YIPF5: variants seen among roughly 807,000 people sequenced by gnomAD.
YIPF5 encodes the protein protein YIPF5.
Under a neutral mutation model 30.4 loss-of-function variants are expected in YIPF5, and 8 were observed. The observed-to-expected ratio is 0.26, with a 90% CI of 0.15 to 0.47. The LOEUF is 0.47. YIPF5 is among the 20% of genes least tolerant of loss of function. The pLI is 0.99. For missense variants in YIPF5, 282 were observed against 301.8 expected (o/e 0.93, Z 0.49); for synonymous variants, 104 against 107.9 (o/e 0.96, Z 0.23).
At position 144,159,635 on chromosome 5, in the gene YIPF5, CTT is replaced by C; in HGVS notation, c.*760_*761del. On this transcript the variant is annotated 3_prime_UTR_variant, in exon 6 of 6. Coordinates refer to ENST00000274496, the MANE Select transcript of YIPF5 (RefSeq NM_030799.9). ...CACTTTTTTGCTTTGAGTTACCTGA[CTT>C]GAGAATACAAGGCAATTTTTCTTTC... 1.0e-6 allele frequency: 1 copy of C among 984,538 alleles called. No homozygotes were observed. The highest frequency in any genetic ancestry group is 4.7e-5 in the South Asian group (1 of 21,262). The allele number at this position is 984,538 out of a possible 1,614,324, so 61.0% of individuals were successfully genotyped here. A position where few individuals can be genotyped will look rare whatever the true frequency, so the allele number is the denominator to read the frequency against.
chr5:144,165,317 T>A (rs893885030), intron 3 of YIPF5, 115 bp downstream of exon 3: 1 of 1,410,834 alleles, frequency 7.1e-7, no homozygotes, highest in East Asian at 2.5e-5. Flanking sequence ...AGCAGAAAAC[T>A]TTTTTCTACA....
Position 144,158,851 on chromosome 5 carries a change from T to G in YIPF5, c.*1546A>C, listed in dbSNP as rs1203807071. The G allele has an allele frequency of 1.0e-6, 1 of 984,898 alleles. No individual in the cohort carries two copies. Among genetic ancestry groups the G allele is most frequent in the African/African-American group, 1.7e-5 (1 of 57,144 alleles). The allele number at this position is 984,898 out of a possible 1,614,324, so 61.0% of individuals were successfully genotyped here. On this transcript the variant is annotated 3_prime_UTR_variant, in exon 6 of 6. Coordinates refer to ENST00000274496, the MANE Select transcript of YIPF5 (RefSeq NM_030799.9). Reference sequence around the variant, plus strand: ...CAACCTCTTTTTATGCTTTGAAAACTTGTTCTAAAAAAGAACCATTGATAC... The same window carrying G: ...CAACCTCTTTTTATGCTTTGAAAACGTGTTCTAAAAAAGAACCATTGATAC...
chr5:144,164,445 G>A (rs191737166), intron 3 of YIPF5, among the ~76,000 whole-genome samples, 189 bp from the exon 4 acceptor site: 1 of 152,076 alleles, frequency 6.6e-6, no homozygotes, highest in East Asian at 1.9e-4. Flanking sequence ...GAGTGCAGTG[G>A]CATGATCATA....
chr5:144,164,280 GTTAA>G, intron 3 of YIPF5, 24 bp from the exon 4 acceptor site: 5 of 1,586,368 alleles, frequency 3.2e-6, no homozygotes, highest in Non-Finnish European at 4.3e-6. Flanking sequence ...AAATTTAAAA[GTTAA>G]TTAGGATTTG....
chr5:144,169,833 G>C lies in YIPF5; in HGVS notation c.110+13C>G, dbSNP rs774025132. 1.9e-6 allele frequency: 3 copies of C among 1,604,936 alleles called. No homozygotes were observed. The highest frequency in any genetic ancestry group is 2.6e-6 in the Non-Finnish European group (3 of 1,172,432). ...AATGTAGACTAAATTAATTGCCAAA[G>C]ATGAAAAGTTACTTGCTATAGGGTC... is the stretch of plus-strand genomic sequence containing the variant. On this transcript the variant is annotated intron_variant, in intron 2 of 5. Transcript: ENST00000274496.
rs1219548229 is a variant in YIPF5 at position 144,158,843 on chromosome 5, T to C, written c.*1554A>G. 4 of 984,574 alleles carry C rather than the reference T, an allele frequency of 4.1e-6. No homozygotes were observed. The highest frequency in any genetic ancestry group is 6.2e-5 in the Admixed American group (1 of 16,248). 61.0% of individuals were successfully genotyped at this position (984,574 alleles called of 1,614,324 possible). A position where few individuals can be genotyped will look rare whatever the true frequency, so the allele number is the denominator to read the frequency against. On this transcript the variant is annotated 3_prime_UTR_variant, in exon 6 of 6. Transcript: ENST00000274496. The stretch of plus-strand genomic sequence containing the variant: ...ATTTCTCTCAACCTCTTTTTATGCT[T>C]TGAAAACTTGTTCTAAAAAAGAACC...
rs201643089 is a variant in YIPF5 at position 144,160,385 on chromosome 5, C to T, written c.*12G>A. 1 of 1,609,550 alleles carries T rather than the reference C, an allele frequency of 6.2e-7. No homozygotes were observed. Among genetic ancestry groups the T allele is most frequent in the South Asian group, 1.1e-5 (1 of 90,428 alleles). ...CATCTGGCCCACTGATGTCCACATC[C>T]CAGATAAATTTTCAAAAGACGGAAA... On this transcript the variant is annotated 3_prime_UTR_variant, in exon 6 of 6. Coordinates refer to ENST00000274496, the MANE Select transcript of YIPF5 (RefSeq NM_030799.9).
In YIPF5 at chr5:144,159,951, G is replaced by A. The variant is rs1220759690; in HGVS notation, c.*446C>T. On this transcript the variant is annotated 3_prime_UTR_variant, in exon 6 of 6. Transcript: ENST00000274496. ...TCTCGATCTCCTGCCCTTGTGATCCGCCCGCCTCGGCCTCCCAAAGTGCTG... is the reference window on the plus strand; with the variant it reads ...TCTCGATCTCCTGCCCTTGTGATCCACCCGCCTCGGCCTCCCAAAGTGCTG... 1.7e-5 allele frequency: 16 copies of A among 933,186 alleles called. No homozygotes were observed. The highest frequency in any genetic ancestry group is 4.9e-5 in the South Asian group (1 of 20,308). 57.8% of individuals were successfully genotyped at this position (933,186 alleles called of 1,614,324 possible). A position where few individuals can be genotyped will look rare whatever the true frequency, so the allele number is the denominator to read the frequency against.
chr5:144,169,992 T>A (rs1260362882), intron 1 of YIPF5, 27 bp from the exon 2 acceptor site: 1 of 1,561,436 alleles, frequency 6.4e-7, no homozygotes, highest in East Asian at 2.2e-5. Flanking sequence ...ATGGCAAATA[T>A]TCCTTATGCC....
Position 144,159,873 on chromosome 5 carries a change from AT to A in YIPF5, c.*523del, listed in dbSNP as rs144356469. 0.22 allele frequency: 133,437 copies of A among 595,688 alleles called. 17,781 individuals carry two copies. Among genetic ancestry groups the A allele is most frequent in the African/African-American group, 0.49 (23,922 of 48,840 alleles). The allele number at this position is 595,688 out of a possible 1,614,324, so 36.9% of individuals were successfully genotyped here. Reference sequence around the variant, plus strand: ...AGGCGCCCGCCACCACGCCCAGCTAATTTTTTTTGTAGTTTTAGTAGAGTCG... The same window carrying A: ...AGGCGCCCGCCACCACGCCCAGCTAATTTTTTTGTAGTTTTAGTAGAGTCG... On this transcript the variant is annotated 3_prime_UTR_variant, in exon 6 of 6. Coordinates refer to ENST00000274496, the MANE Select transcript of YIPF5 (RefSeq NM_030799.9).
At chr5:144,167,580 A>G (rs1008205056) in intron 2 of YIPF5, among the ~76,000 whole-genome samples, 1 of 152,228 alleles carries the variant, frequency 6.6e-6, no homozygotes, top group Non-Finnish European at 1.5e-5. Flanking sequence ...CTAGAATACA[A>G]TGTGGAACCT....
At chr5:144,165,403 G>A (rs778454144) in intron 3 of YIPF5, 29 bp downstream of exon 3, 1 of 1,610,718 alleles carries the variant, frequency 6.2e-7, no homozygotes, top group Admixed American at 1.7e-5. Context: ...ATACTATTGA[G>A]TACTATCAAG....
chr5:144,161,239 C>T (rs1273588200), intron 5 of YIPF5, among the ~76,000 whole-genome samples: 1 of 151,016 alleles, frequency 6.6e-6, no homozygotes, highest in African/African-American at 2.4e-5. Context: ...CTGGTAATGT[C>T]TAACACTAGT....
chr5:144,162,500 A>G (rs1052950855), intron 4 of YIPF5, 101 bp from the exon 5 acceptor site: 2 of 1,017,422 alleles, frequency 2.0e-6, no homozygotes, highest in Non-Finnish European at 2.9e-6. Context: ...TATGAGCATC[A>G]AAATCTACTA....
rs1751963716 is a variant in YIPF5 at position 144,159,439 on chromosome 5, A to G, written c.*958T>C. Reference sequence around the variant, plus strand: ...ATTATAGCATTAATGCAACCATTCCAGGTCCCTAAGGTTGAGTTAACATTA... The same window carrying G: ...ATTATAGCATTAATGCAACCATTCCGGGTCCCTAAGGTTGAGTTAACATTA... On this transcript the variant is annotated 3_prime_UTR_variant, in exon 6 of 6. Transcript: ENST00000274496. 1 of 985,272 alleles carries G rather than the reference A, an allele frequency of 1.0e-6. No individual in the cohort carries two copies. Among genetic ancestry groups the G allele is most frequent in the South Asian group, 4.7e-5 (1 of 21,296 alleles). The allele number at this position is 985,272 out of a possible 1,614,324, so 61.0% of individuals were successfully genotyped here.
chr5:144,167,545 AT>A (rs1290750592), intron 2 of YIPF5, among the ~76,000 whole-genome samples: 1 of 152,206 alleles, frequency 6.6e-6, no homozygotes, highest in Non-Finnish European at 1.5e-5. Flanking sequence ...GTGACTTGGT[AT>A]TATGATATAT....
At chr5:144,169,746 A>C in intron 2 of YIPF5, 100 bp downstream of exon 2, 1 of 941,472 alleles carries the variant, frequency 1.1e-6, no homozygotes, top group Admixed American at 2.2e-5. Context: ...ACTCCTGATA[A>C]AGGACATGTT....
In YIPF5 at chr5:144,160,124, G is replaced by T; in HGVS notation, c.*273C>A. 2 of 1,119,886 alleles carry T rather than the reference G, an allele frequency of 1.8e-6. No homozygotes were observed. Among genetic ancestry groups the T allele is most frequent in the Admixed American group, 4.8e-5 (1 of 20,724 alleles). The allele number at this position is 1,119,886 out of a possible 1,614,324, so 69.4% of individuals were successfully genotyped here. ...AAACATTATAATTTGCAAGGAAAAA[G>T]GTTTTTCAATGGCTGCAGGAACCAG... On this transcript the variant is annotated 3_prime_UTR_variant, in exon 6 of 6. Coordinates refer to ENST00000274496, the MANE Select transcript of YIPF5 (RefSeq NM_030799.9).
chr5:144,158,512 G>C lies in YIPF5; in HGVS notation c.*1885C>G, dbSNP rs1751933861. On this transcript the variant is annotated 3_prime_UTR_variant, in exon 6 of 6. Coordinates refer to ENST00000274496, the MANE Select transcript of YIPF5 (RefSeq NM_030799.9). The stretch of plus-strand genomic sequence containing the variant: ...CAGTGTTAAGTCTAACCAACAGCGA[G>C]ATAATTTTAATTTCCAAAGCATCTT... The C allele has an allele frequency of 1.6e-6, 2 of 1,213,762 alleles. No homozygotes were observed. The highest frequency in any genetic ancestry group is 4.0e-5 in the Admixed American group (1 of 24,722). The allele number at this position is 1,213,762 out of a possible 1,614,324, so 75.2% of individuals were successfully genotyped here. A position where few individuals can be genotyped will look rare whatever the true frequency, so the allele number is the denominator to read the frequency against.
Sources: gnomAD v4.1 joint callset for allele counts (sites outside exome capture counted in the v4.1 genomes callset) on GRCh38, gnomAD v4.1.1 for gene constraint, MANE v1.5 for transcripts, NCBI Gene and HGNC (gene_info 2026-07-23, HGNC 2026-07-21) for gene names.